The following PGC variants were observed in gnomAD, a reference collection of about 807,000 sequenced individuals.
PGC encodes progastricsin.
In PGC, 31 loss-of-function variants were observed where a neutral mutation model predicts 45.9. That is an observed-to-expected ratio of 0.67 (90% CI 0.51 to 0.91). The LOEUF is 0.91. Ranked by LOEUF, PGC falls within the 40% of genes least tolerant of loss-of-function variation. The probability of loss-of-function intolerance (pLI) is 0.00; values close to 1 mark genes in which losing one functional copy is unlikely to be tolerated. For synonymous variants in PGC, 192 were observed against 201.8 expected (o/e 0.95, Z 0.41); for missense variants, 477 against 493.2 (o/e 0.97, Z 0.31).
rs376129695 is a variant in PGC, at chr6:41,738,166, G to A, written c.916-338C>T. ...TATGCATATATATATACATATATAT[G>A]CATATATATATACATATATATATGC... On this transcript the variant is annotated intron_variant, in intron 7 of 8. Transcript: ENST00000373025. Among the ~76,000 whole-genome samples, 13 of 19,070 alleles carry A rather than the reference G, an allele frequency of 6.8e-4. 1 individual carries two copies. Among genetic ancestry groups the A allele is most frequent in the South Asian group, 4.2e-3 (3 of 722 alleles). 12.5% of individuals were successfully genotyped at this position (19,070 alleles called of 152,430 possible). A position where few individuals can be genotyped will look rare whatever the true frequency, so the allele number is the denominator to read the frequency against.
At chr6:41,737,090 C>G in intron 8 of PGC, 86 bp from the exon 9 acceptor site, 2 of 1,345,830 alleles carry the variant, frequency 1.5e-6, no homozygotes, top group East Asian at 2.4e-5. Flanking sequence ...GCTGGGAGCA[C>G]AAGTGCAGAG....
chr6:41,737,692 C>T (rs1234470757), intron 8 of PGC, 38 bp downstream of exon 8: 4 of 1,292,096 alleles, frequency 3.1e-6, no homozygotes, highest in Non-Finnish European at 4.5e-6. Context: ...CTCCCAACCC[C>T]AATCATGGTG....
At position 41,744,444 on chromosome 6, in the gene PGC, G is replaced by C. The variant is rs779032845; in HGVS notation, c.281C>G (p.Ser94Cys). The change falls in exon 3 of 9, where the codon TCC becomes TGC. Residue 94 changes from serine to cysteine, a missense_variant. Ser to Cys is a moderately radical substitution (Grantham distance 112). Coordinates refer to ENST00000373025, the MANE Select transcript of PGC (RefSeq NM_002630.4). This position sits in a 1 kb window ranked among gnomAD's most constrained non-coding sequence, Gnocchi z 4.4. ...GACAGAGGGCACCCACAAGTTGGAGGAGCCGGTGTCAAAAAGGACCAGGAA... is the reference window on the plus strand; with the variant it reads ...GACAGAGGGCACCCACAAGTTGGAGCAGCCGGTGTCAAAAAGGACCAGGAA... ...QNFLVLFDTG[S>C]SNLWVPSVYC... is the part of the protein sequence containing the mutation. 2 of 1,613,476 alleles carry C rather than the reference G, an allele frequency of 1.2e-6. No individual in the cohort carries two copies. Among genetic ancestry groups the C allele is most frequent in the Admixed American group, 3.3e-5 (2 of 60,034 alleles).
chr6:41,741,146 C>T, intron 5 of PGC: 1 of 1,537,014 alleles, frequency 6.5e-7, no homozygotes, highest in Non-Finnish European at 8.7e-7. Context: ...CAGGTAGGGT[C>T]TTGGTGAAGG....
chr6:41,738,448 T>C (rs939068401), intron 7 of PGC, among the ~76,000 whole-genome samples: 1 of 150,236 alleles, frequency 6.7e-6, no homozygotes, highest in African/African-American at 2.5e-5. Flanking sequence ...AGTGACATGA[T>C]GAAACCCCGC....
rs375924211 is a variant in PGC at position 41,740,486 on chromosome 6, C to G, written c.767+5G>C. ...CACATCCCCAGGGCCCCACCGCAGA[C>G]TCACTCTTCAATGCCAATCTGCCAG... On this transcript the variant is annotated splice_donor_5th_base_variant and intron_variant, in intron 6 of 8. Coordinates refer to ENST00000373025, the MANE Select transcript of PGC (RefSeq NM_002630.4). 21 of 1,607,354 alleles carry G rather than the reference C, an allele frequency of 1.3e-5. No individual in the cohort carries two copies. The highest frequency in any genetic ancestry group is 1.7e-5 in the Non-Finnish European group (20 of 1,176,964).
At chr6:41,743,423 G>C in intron 3 of PGC, 34 bp from the exon 4 acceptor site, 1 of 1,331,010 alleles carries the variant, frequency 7.5e-7, no homozygotes, top group Non-Finnish European at 1.1e-6. Flanking sequence ...GAGTCAGGCC[G>C]GCTGGGGCAG....
chr6:41,745,880 AG>A (rs1771923100), intron 1 of PGC, among the ~76,000 whole-genome samples: 1 of 151,242 alleles, frequency 6.6e-6, no homozygotes, highest in African/African-American at 2.4e-5. Context: ...AGAAGATTTC[AG>A]GCCAGGCACG....
In PGC at chr6:41,744,273, C is replaced by A; in HGVS notation, c.328+124G>T. 1 of 648,594 alleles carries A rather than the reference C, an allele frequency of 1.5e-6. No individual in the cohort carries two copies. Among genetic ancestry groups the A allele is most frequent in the Non-Finnish European group, 2.7e-6 (1 of 364,938 alleles). 40.2% of individuals were successfully genotyped at this position (648,594 alleles called of 1,614,324 possible). The stretch of plus-strand genomic sequence containing the variant: ...GCATGCTGTGTGGCCCTGCACATGT[C>A]CCTGGTCCTCCCCAGGACTGAGCTC... On this transcript the variant is annotated intron_variant, in intron 3 of 8. Coordinates refer to ENST00000373025, the MANE Select transcript of PGC (RefSeq NM_002630.4). This position sits in a 1 kb window ranked among gnomAD's most constrained non-coding sequence, Gnocchi z 4.4.
intron 5 of PGC, 150 bp from the exon 6 acceptor site, chr6:41,740,760 G>T: frequency 6.9e-7 from 1 of 1,446,020 alleles, no homozygotes; most frequent in Non-Finnish European, 9.0e-7. Context: ...TCAGACTGGG[G>T]CTCCCTGAGG....
chr6:41,742,177 A>G, intron 5 of PGC, 113 bp downstream of exon 5: 1 of 947,422 alleles, frequency 1.1e-6, no homozygotes, highest in Admixed American at 1.9e-5. Context: ...GACTGGAGCC[A>G]GATGCCCGCT....
chr6:41,745,630 A>G (rs1421908066), intron 1 of PGC, among the ~76,000 whole-genome samples: 2 of 148,616 alleles, frequency 1.3e-5, no homozygotes, highest in Non-Finnish European at 3.0e-5. Flanking sequence ...GCTCACCTCA[A>G]CTTCCACCTC....
intron 1 of PGC, among the ~76,000 whole-genome samples, chr6:41,746,560 A>G (rs1438163392): frequency 6.6e-6 from 1 of 152,218 alleles, no homozygotes; most frequent in Non-Finnish European, 1.5e-5. Flanking sequence ...TCTAGGCTCC[A>G]GAATTCTGCT....
In PGC at chr6:41,743,352, G is replaced by C. The variant is rs756033297; in HGVS notation, c.366C>G (p.Thr122=). ...AGAAGGTCTGCCCATTGGTGGAGTA[G>C]GTGGACGACTCGCTGGGGTTGAAGC... ...HSRFNPSESS[T]YSTNGQTFSL... Residue 122 remains threonine (T), a synonymous_variant, in exon 4 of 9, where the codon ACC becomes ACG. Transcript: ENST00000373025. 3 of 1,613,950 alleles carry C rather than the reference G, an allele frequency of 1.9e-6. No homozygotes were observed. In the South Asian group the frequency reaches 3.3e-5, roughly 18 times the overall value.
At chr6:41,738,189 TGC>T (rs5875769) in intron 7 of PGC, among the ~76,000 whole-genome samples, 5,180 of 18,566 alleles carry the variant, frequency 0.28, 400 homozygotes, top group Non-Finnish European at 0.44. Context: ...CATATATATA[TGC>T]ATATATATAT....
At chr6:41,737,851 G>C in intron 7 of PGC, 23 bp from the exon 8 acceptor site, 1 of 1,429,188 alleles carries the variant, frequency 7.0e-7, no homozygotes, top group South Asian at 1.1e-5. Context: ...TAGGTCCCTG[G>C]TTAACTCATC....
In PGC at chr6:41,743,341, T is replaced by G; in HGVS notation, c.377A>C (p.Asn126Thr). Residue 126 changes from asparagine to threonine, a missense_variant, in exon 4 of 9, where the codon AAT (asparagine) becomes ACT (threonine). Coordinates refer to ENST00000373025, the MANE Select transcript of PGC (RefSeq NM_002630.4). ...NPSESSTYST[N>T]GQTFSLQYGS... ...ATACTGCAGGGAGAAGGTCTGCCCATTGGTGGAGTAGGTGGACGACTCGCT... is the reference window on the plus strand; with the variant it reads ...ATACTGCAGGGAGAAGGTCTGCCCAGTGGTGGAGTAGGTGGACGACTCGCT... 1 of 1,613,782 alleles carries G rather than the reference T, an allele frequency of 6.2e-7. No homozygotes were observed. The highest frequency in any genetic ancestry group is 8.5e-7 in the Non-Finnish European group (1 of 1,179,756).
chr6:41,740,420 G>A, intron 6 of PGC, 71 bp downstream of exon 6: 1 of 1,543,940 alleles, frequency 6.5e-7, no homozygotes, highest in Non-Finnish European at 8.8e-7. Flanking sequence ...CAGACTGTGT[G>A]TGTGTGTGAC....
intron 1 of PGC, among the ~76,000 whole-genome samples, chr6:41,745,957 G>C (rs1771924810): frequency 6.6e-6 from 1 of 151,710 alleles, no homozygotes. Context: ...GAGGTCAGGA[G>C]TTCGAGACCA....
Sources: gnomAD v4.1 joint callset for allele counts (sites outside exome capture counted in the v4.1 genomes callset) on GRCh38, gnomAD v4.1.1 for gene constraint, Gnocchi (gnomAD v3.1) non-coding constraint, MANE v1.5 for transcripts, NCBI Gene and HGNC (gene_info 2026-07-23, HGNC 2026-07-21) for gene names.